TOM1: variants seen among roughly 807,000 people sequenced by gnomAD.
TOM1 encodes target of Myb protein 1.
In TOM1, 38 loss-of-function variants were observed where a neutral mutation model predicts 61.3. The ratio of observed to expected loss-of-function variants is 0.62; its 90% CI spans 0.48 to 0.81. The LOEUF (loss-of-function observed/expected upper bound fraction) is 0.81. Ranked by LOEUF, TOM1 falls within the 40% of genes least tolerant of loss-of-function variation. TOM1 has a pLI of 0.00. For missense variants in TOM1, 591 were observed against 659.6 expected, an observed-to-expected ratio of 0.90 and a Z score of 1.14; for synonymous variants, 270 against 268.8, an observed-to-expected ratio of 1.00 and a Z score of -0.04.
intron 1 of TOM1, among the ~76,000 whole-genome samples, chr22:35,317,534 T>C (rs1290191681): frequency 1.3e-5 from 2 of 152,154 alleles, no homozygotes; most frequent in Non-Finnish European, 2.9e-5. Flanking sequence ...TCTACAGAAA[T>C]GAAGCAAAGC....
intron 12 of TOM1, among the ~76,000 whole-genome samples, chr22:35,342,296 CTGTGCCA>C (rs1929938183): frequency 1.3e-5 from 2 of 152,248 alleles, no homozygotes; most frequent in South Asian, 2.1e-4. Flanking sequence ...GCTGTGTGCC[CTGTGCCA>C]TGTGCCAGGC....
chr22:35,299,907 G>A lies in TOM1; in HGVS notation c.-22G>A, dbSNP rs754322284. 6 of 1,576,922 alleles carry A rather than the reference G, an allele frequency of 3.8e-6. No individual in the cohort carries two copies. In the African/African-American group the frequency reaches 8.1e-5, roughly 21 times the overall value. On this transcript the variant is annotated 5_prime_UTR_variant, in exon 1 of 15. Transcript: ENST00000449058. ...TTGCTGTCAGCTGATTCCCGGGGTT[G>A]GTGGCAGCGGCGGTAGCAGCAATGG...
chr22:35,338,309 G>A (rs1707463266), intron 11 of TOM1, among the ~76,000 whole-genome samples: 1 of 152,174 alleles, frequency 6.6e-6, no homozygotes, highest in Non-Finnish European at 1.5e-5. Context: ...CAGCAGAATG[G>A]AATCCCCCAT....
intron 1 of TOM1, among the ~76,000 whole-genome samples, chr22:35,312,776 AC>A (rs1189450128): frequency 6.6e-6 from 1 of 152,206 alleles, no homozygotes; most frequent in Admixed American, 6.5e-5. Context: ...AGGGCAAGCC[AC>A]ATAGAGGAAG....
chr22:35,307,904 A>G (rs1345551075), intron 1 of TOM1, among the ~76,000 whole-genome samples: 1 of 152,238 alleles, frequency 6.6e-6, no homozygotes, highest in Non-Finnish European at 1.5e-5. Flanking sequence ...ATAGTTGGTC[A>G]AACATTATTT....
chr22:35,299,739 G>C, upstream of TOM1: 1 of 638,614 alleles, frequency 1.6e-6, no homozygotes, highest in Non-Finnish European at 2.7e-6. Context: ...AAGCCGCAGT[G>C]AGGTCATCGC....
intron 13 of TOM1, among the ~76,000 whole-genome samples, chr22:35,346,317 G>A (rs1404467523): frequency 2.0e-5 from 3 of 152,250 alleles, no homozygotes; most frequent in Non-Finnish European, 2.9e-5. Flanking sequence ...GGCTCCTACC[G>A]CAGCATCTGC....
At chr22:35,327,479 G>A in intron 7 of TOM1, 92 bp downstream of exon 7, 1 of 886,860 alleles carries the variant, frequency 1.1e-6, no homozygotes, top group Non-Finnish European at 1.8e-6. Context: ...AGTCTTCATG[G>A]CTTACTCCAT....
chr22:35,313,313 C>T lies in TOM1; in HGVS notation c.53-4564C>T, dbSNP rs138395632. ...AGTGAGCCAAGATCGTGCCACTGTACTCCAACCTGGGTGACAGAACGAGAC... is the reference window on the plus strand; with the variant it reads ...AGTGAGCCAAGATCGTGCCACTGTATTCCAACCTGGGTGACAGAACGAGAC... On this transcript the variant is annotated intron_variant, in intron 1 of 14. Coordinates refer to ENST00000449058, the MANE Select transcript of TOM1 (RefSeq NM_005488.3). Among the ~76,000 whole-genome samples, 68 of 151,758 alleles carry T rather than the reference C, an allele frequency of 4.5e-4. No homozygotes were observed. In the East Asian group the frequency reaches 9.1e-3, roughly 20 times the overall value.
intron 11 of TOM1, among the ~76,000 whole-genome samples, chr22:35,336,095 T>C (rs1929308580): frequency 6.6e-6 from 1 of 152,174 alleles, no homozygotes; most frequent in South Asian, 2.1e-4. Context: ...TTTTTTCTTA[T>C]CAGATTTTCA....
rs1601688367 is a variant in TOM1, at chr22:35,323,364, A to G, written c.367-132A>G. The G allele has an allele frequency of 3.8e-6, 5 of 1,330,802 alleles. No homozygotes were observed. The highest frequency in any genetic ancestry group is 1.3e-5 in the South Asian group (1 of 75,480). 82.4% of individuals were successfully genotyped at this position (1,330,802 alleles called of 1,614,324 possible). ...TTGCCAACTGCGTGCTTTGCTGTGG[A>G]GTGGGCAGGGCAGATGTAGTTAAAA... On this transcript the variant is annotated intron_variant, in intron 4 of 14. Transcript: ENST00000449058. The surrounding 1 kb of genome is among the most constrained non-coding windows in gnomAD (Gnocchi z 4.2).
rs945431176 is a variant in TOM1, at chr22:35,323,349, C to T, written c.367-147C>T. The T allele has an allele frequency of 9.7e-6, 13 of 1,344,652 alleles. No individual in the cohort carries two copies. The highest frequency in any genetic ancestry group is 2.6e-5 in the South Asian group (2 of 76,144). 83.3% of individuals were successfully genotyped at this position (1,344,652 alleles called of 1,614,324 possible). ...TGTGGGGAGGGAGGCTTGCCAACTGCGTGCTTTGCTGTGGAGTGGGCAGGG... is the reference window on the plus strand; with the variant it reads ...TGTGGGGAGGGAGGCTTGCCAACTGTGTGCTTTGCTGTGGAGTGGGCAGGG... On this transcript the variant is annotated intron_variant, in intron 4 of 14. Transcript: ENST00000449058. This position sits in a 1 kb window ranked among gnomAD's most constrained non-coding sequence, Gnocchi z 4.2.
chr22:35,331,358 C>T, intron 8 of TOM1: 1 of 454,840 alleles, frequency 2.2e-6, no homozygotes, highest in South Asian at 1.6e-5. Context: ...GCAGTCCTCC[C>T]TCCTTGGCCT....
At position 35,322,262 on chromosome 22, in the gene TOM1, A is replaced by G; in HGVS notation, c.216+225A>G. On this transcript the variant is annotated intron_variant, in intron 3 of 14. Coordinates refer to ENST00000449058, the MANE Select transcript of TOM1 (RefSeq NM_005488.3). ...CCCCAGCATGGGAACAGACGCTTAC[A>G]TCACTCCAGAACCACTGGCAGGGAG... 7 of 546,530 alleles carry G rather than the reference A, an allele frequency of 1.3e-5. No individual in the cohort carries two copies. In the South Asian group the frequency reaches 1.5e-4, roughly 12 times the overall value. The allele number at this position is 546,530 out of a possible 1,614,324, so 33.9% of individuals were successfully genotyped here.
At chr22:35,330,295 G>A (rs747699607) in intron 7 of TOM1, 52 bp from the exon 8 acceptor site, 32 of 1,535,078 alleles carry the variant, frequency 2.1e-5, no homozygotes, top group Admixed American at 8.6e-5. Context: ...AAAAAGAGAC[G>A]GCCTCACTCT....
intron 1 of TOM1, among the ~76,000 whole-genome samples, chr22:35,301,327 A>G (rs2145594761): frequency 6.6e-6 from 1 of 150,852 alleles, no homozygotes; most frequent in Non-Finnish European, 1.5e-5. Context: ...TATTATATGT[A>G]TTTACACACA....
intron 1 of TOM1, among the ~76,000 whole-genome samples, chr22:35,300,409 T>TAGAAGTCCC (rs1194701962): frequency 6.6e-6 from 1 of 152,200 alleles, no homozygotes. Flanking sequence ...TGAGAAGGGC[T>TAGAAGTCCC]AGAAGTCCCT....
intron 7 of TOM1, among the ~76,000 whole-genome samples, chr22:35,328,117 C>T (rs1256570360): frequency 6.6e-6 from 1 of 152,178 alleles, no homozygotes; most frequent in Admixed American, 6.5e-5. Flanking sequence ...TTGAGGGCAG[C>T]GCTGTGTCTT....
intron 2 of TOM1, among the ~76,000 whole-genome samples, chr22:35,320,236 G>T (rs1927648157): frequency 6.6e-6 from 1 of 152,236 alleles, no homozygotes; most frequent in Non-Finnish European, 1.5e-5. Flanking sequence ...TGTTGTGGAA[G>T]GGGTGGATTT....
Sources: gnomAD v4.1 joint callset for allele counts (sites outside exome capture counted in the v4.1 genomes callset) on GRCh38, gnomAD v4.1.1 for gene constraint, Gnocchi (gnomAD v3.1) non-coding constraint, MANE v1.5 for transcripts, NCBI Gene and HGNC (gene_info 2026-07-23, HGNC 2026-07-21) for gene names.